Variants in SCGN observed in about 807,000 individuals in gnomAD.
The protein encoded by SCGN is secretagogin.
In SCGN, 30 loss-of-function variants were observed where a neutral mutation model predicts 39.7. The observed-to-expected ratio is 0.76, with a 90% confidence interval of 0.57 to 1.03. SCGN has a LOEUF of 1.03. SCGN is among the 50% of genes least tolerant of loss of function. The probability of loss-of-function intolerance (pLI) is 0.00; values close to 1 mark genes in which losing one functional copy is unlikely to be tolerated. For synonymous variants in SCGN, 106 were observed against 114.1 expected (o/e 0.93, Z 0.45); for missense variants, 353 against 349.4 (o/e 1.01, Z -0.08).
At chr6:25,659,927 C>T (rs1760306906) in intron 2 of SCGN, among the ~76,000 whole-genome samples, 1 of 151,980 alleles carries the variant, frequency 6.6e-6, no homozygotes, top group Admixed American at 6.6e-5. Flanking sequence ...ACTGACAGCC[C>T]CTCCGAGTCA....
At chr6:25,689,830 A>G (rs972081502) in intron 9 of SCGN, among the ~76,000 whole-genome samples, 2 of 152,146 alleles carry the variant, frequency 1.3e-5, no homozygotes, top group East Asian at 3.8e-4. Context: ...ATAATATCAT[A>G]CACAAAAACA....
intron 7 of SCGN, among the ~76,000 whole-genome samples, chr6:25,683,550 C>T (rs1312414041): frequency 6.6e-6 from 1 of 152,178 alleles, no homozygotes; most frequent in Non-Finnish European, 1.5e-5. Flanking sequence ...GCTAAAATAA[C>T]TAACATCATG....
rs150474725 is a variant in SCGN, at chr6:25,658,230, G to A, written c.154-3322G>A. Among the ~76,000 whole-genome samples, 881 of 151,036 alleles carry A rather than the reference G, an allele frequency of 5.8e-3. 8 individuals are homozygous for A. The highest frequency in any genetic ancestry group is 0.019 in the African/African-American group (793 of 41,174). ...AATTTTTTGTATTTTTAATGGAGACGGGGTTTCACCATGTTAGCCAGCATG... is the reference window on the plus strand; with the variant it reads ...AATTTTTTGTATTTTTAATGGAGACAGGGTTTCACCATGTTAGCCAGCATG... On this transcript the variant is annotated intron_variant, in intron 2 of 10. Transcript: ENST00000377961.
At chr6:25,663,085 C>G (rs974324554) in intron 3 of SCGN, among the ~76,000 whole-genome samples, 3 of 152,194 alleles carry the variant, frequency 2.0e-5, no homozygotes, top group Admixed American at 1.3e-4. Context: ...GTTGTTTGTA[C>G]AAAAACTGAT....
intron 10 of SCGN, among the ~76,000 whole-genome samples, chr6:25,694,809 CAGT>C (rs1208040609): frequency 6.6e-6 from 1 of 152,090 alleles, no homozygotes; most frequent in Non-Finnish European, 1.5e-5. Context: ...AAAGGATGGC[CAGT>C]AGTTGAATTT....
intron 10 of SCGN, among the ~76,000 whole-genome samples, chr6:25,694,486 A>G (rs1415677781): frequency 6.6e-6 from 1 of 152,194 alleles, no homozygotes; most frequent in African/African-American, 2.4e-5. Flanking sequence ...CGCCCCTTTT[A>G]GCCTCTCTGT....
At position 25,661,164 on chromosome 6, in the gene SCGN, CT is replaced by C. The variant is rs535036728; in HGVS notation, c.154-384del. On this transcript the variant is annotated intron_variant, in intron 2 of 10. Transcript: ENST00000377961. The stretch of plus-strand genomic sequence containing the variant: ...CACCTGGGGGCCCAGAAGAACTGGA[CT>C]TTTCAGTTAAAAAATGTAAAATCTC... 1.2e-4 allele frequency among the ~76,000 whole-genome samples: 19 copies of C among 152,242 alleles called. No homozygotes were observed. The South Asian group carries it at 3.7e-3, about 30-fold the overall frequency.
At chr6:25,666,753 C>A (rs1380963915) in intron 4 of SCGN, among the ~76,000 whole-genome samples, 1 of 151,654 alleles carries the variant, frequency 6.6e-6, no homozygotes. Context: ...AGTTGTTTAC[C>A]CTAAAGCCTG....
chr6:25,679,755 G>T (rs1302712595), intron 6 of SCGN, among the ~76,000 whole-genome samples: 1 of 152,192 alleles, frequency 6.6e-6, no homozygotes, highest in Non-Finnish European at 1.5e-5. Context: ...GGAAATTCAG[G>T]CCACTGAATT....
chr6:25,680,302 T>G (rs1016777896), intron 6 of SCGN, among the ~76,000 whole-genome samples: 3 of 152,150 alleles, frequency 2.0e-5, no homozygotes, highest in Admixed American at 2.0e-4. Flanking sequence ...TTATTAATAT[T>G]TGAACTTAGA....
At chr6:25,670,515 C>T (rs1400651140) in intron 6 of SCGN, among the ~76,000 whole-genome samples, 1 of 152,206 alleles carries the variant, frequency 6.6e-6, no homozygotes, top group Non-Finnish European at 1.5e-5. Context: ...GGATGCATGT[C>T]CTACCTCTGC....
At chr6:25,659,073 G>C (rs1760285726) in intron 2 of SCGN, among the ~76,000 whole-genome samples, 1 of 152,134 alleles carries the variant, frequency 6.6e-6, no homozygotes, top group African/African-American at 2.4e-5. Flanking sequence ...GCAATGAGTT[G>C]GTACGATGGA....
intron 6 of SCGN, among the ~76,000 whole-genome samples, chr6:25,670,948 A>G (rs371534132): frequency 6.6e-6 from 1 of 152,244 alleles, no homozygotes; most frequent in African/African-American, 2.4e-5. Context: ...CTTCATTCCT[A>G]TCAAAATCTT....
chr6:25,684,096 T>C (rs933892764), intron 7 of SCGN, among the ~76,000 whole-genome samples: 2 of 152,214 alleles, frequency 1.3e-5, no homozygotes, highest in African/African-American at 2.4e-5. Context: ...ATCACTGTGA[T>C]AACTAATAGG....
chr6:25,689,406 C>A, intron 8 of SCGN, 67 bp from the exon 9 acceptor site: 1 of 1,480,468 alleles, frequency 6.8e-7, no homozygotes, highest in South Asian at 1.2e-5. Flanking sequence ...TTGCCCAGGA[C>A]TCTGGAAGAA....
chr6:25,668,218 A>G (rs984928958), intron 4 of SCGN, among the ~76,000 whole-genome samples: 4 of 23,310 alleles, frequency 1.7e-4, no homozygotes, highest in South Asian at 1.4e-3. Context: ...TCTGTCAGTG[A>G]AAAAAAAAAA....
chr6:25,692,457 C>T (rs559643285), intron 10 of SCGN, among the ~76,000 whole-genome samples: 4 of 152,224 alleles, frequency 2.6e-5, no homozygotes, highest in Middle Eastern at 3.4e-3. Context: ...CTCTACCCCA[C>T]CACCCCCCAG....
At chr6:25,669,914 C>T (rs1759472466) in intron 5 of SCGN, 85 bp from the exon 6 acceptor site, 1 of 1,090,334 alleles carries the variant, frequency 9.2e-7, no homozygotes, top group South Asian at 1.3e-5. Flanking sequence ...ACAAGCAACT[C>T]ACAATTCTTG....
intron 2 of SCGN, among the ~76,000 whole-genome samples, chr6:25,659,726 T>A (rs1760299976): frequency 6.6e-6 from 1 of 152,200 alleles, no homozygotes; most frequent in East Asian, 1.9e-4. Flanking sequence ...TTCTACTCAC[T>A]GGAAAACATT....
Sources: gnomAD v4.1 joint callset for allele counts (sites outside exome capture counted in the v4.1 genomes callset) on GRCh38, gnomAD v4.1.1 for gene constraint, MANE v1.5 for transcripts, NCBI Gene and HGNC (gene_info 2026-07-23, HGNC 2026-07-21) for gene names.